Variants in LSAMP observed in about 807,000 individuals in gnomAD.
LSAMP encodes limbic system associated membrane protein.
A neutral mutation model predicts 38.6 loss-of-function variants in LSAMP; 7 were observed. The observed-to-expected ratio is 0.18, with a 90% CI of 0.10 to 0.34. LSAMP has a LOEUF of 0.34. LSAMP is among the 10% of genes least tolerant of loss of function. LSAMP has a pLI of 1.00. For missense variants in LSAMP, 313 were observed against 420.0 expected (o/e 0.75, Z 2.23); for synonymous variants, 154 against 166.8 (o/e 0.92, Z 0.59).
intron 1 of LSAMP, among the ~76,000 whole-genome samples, chr3:116,230,488 T>C (rs2046391243): frequency 1.3e-5 from 2 of 152,190 alleles, no homozygotes; most frequent in Non-Finnish European, 2.9e-5. Flanking sequence ...GGTTCCCATA[T>C]GACAGTAGAC....
chr3:115,887,283 A>G (rs1271853670), intron 3 of LSAMP, among the ~76,000 whole-genome samples: 1 of 151,934 alleles, frequency 6.6e-6, no homozygotes, highest in African/African-American at 2.4e-5. Context: ...CTTTCCCATT[A>G]TATATATCAT....
intron 1 of LSAMP, among the ~76,000 whole-genome samples, chr3:116,131,968 T>G (rs879853438): frequency 6.6e-6 from 1 of 151,810 alleles, no homozygotes; most frequent in African/African-American, 2.4e-5. Context: ...GCTGGAATTA[T>G]AGGTGCACAC....
At chr3:115,914,916 A>T (rs1937214815) in intron 3 of LSAMP, among the ~76,000 whole-genome samples, 1 of 152,200 alleles carries the variant, frequency 6.6e-6, no homozygotes, top group Admixed American at 6.5e-5. Context: ...TTTTATACTT[A>T]AAAGGTCTGT....
intron 3 of LSAMP, among the ~76,000 whole-genome samples, chr3:115,870,761 A>C (rs771371231): frequency 6.6e-6 from 1 of 152,182 alleles, no homozygotes; most frequent in African/African-American, 2.4e-5. Flanking sequence ...CTATTTCAGC[A>C]TGTATCCTGA....
At chr3:116,284,694 A>G (rs370476955) in intron 1 of LSAMP, among the ~76,000 whole-genome samples, 5 of 152,198 alleles carry the variant, frequency 3.3e-5, no homozygotes, top group Admixed American at 3.3e-4. Context: ...ATCCTGCTGT[A>G]TATAAGACAG....
chr3:116,247,939 C>T (rs1236245440), intron 1 of LSAMP, among the ~76,000 whole-genome samples: 2 of 152,156 alleles, frequency 1.3e-5, no homozygotes, highest in Admixed American at 6.5e-5. Context: ...CAGATCATGT[C>T]AGGTTTAAGT....
chr3:116,401,265 T>C (rs2048838066), intron 1 of LSAMP, among the ~76,000 whole-genome samples: 1 of 152,136 alleles, frequency 6.6e-6, no homozygotes, highest in African/African-American at 2.4e-5. Flanking sequence ...CTTTACATCA[T>C]ACTACAATCT....
At chr3:116,099,738 CT>C (rs1166095808) in intron 1 of LSAMP, among the ~76,000 whole-genome samples, 1 of 152,122 alleles carries the variant, frequency 6.6e-6, no homozygotes, top group Admixed American at 6.5e-5. Flanking sequence ...TCTTGTTTCT[CT>C]TCCTAACTCT....
At chr3:116,405,113 T>A (rs994809006) in intron 1 of LSAMP, among the ~76,000 whole-genome samples, 1 of 152,138 alleles carries the variant, frequency 6.6e-6, no homozygotes, top group South Asian at 2.1e-4. Flanking sequence ...GCTTCCTAGA[T>A]ATAGGCAGCT....
At chr3:116,248,533 G>GTGTGTGTGTA (rs1559798690) in intron 1 of LSAMP, among the ~76,000 whole-genome samples, 1 of 137,614 alleles carries the variant, frequency 7.3e-6, no homozygotes, top group African/African-American at 2.6e-5. Flanking sequence ...GTGTGTGTGT[G>GTGTGTGTGTA]TATCAGACTA....
chr3:115,834,918 G>T lies in LSAMP; in HGVS notation c.919+6927C>A, dbSNP rs370592453. Among the ~76,000 whole-genome samples the T allele has an allele frequency of 6.6e-5, 10 of 152,208 alleles. No individual in the cohort carries two copies. The East Asian group carries it at 1.5e-3, about 24-fold the overall frequency. On this transcript the variant is annotated intron_variant, in intron 6 of 6. Coordinates refer to ENST00000490035, the MANE Select transcript of LSAMP (RefSeq NM_002338.5). ...TTAGATCTTTTAGAGAGTTGAAGTT[G>T]AGGGTATTTATAATCGTGATCAAAT...
In LSAMP at chr3:115,861,164, TC is replaced by T. The variant is rs1335387974; in HGVS notation, c.515-8548del. 2.6e-4 allele frequency among the ~76,000 whole-genome samples: 31 copies of T among 121,132 alleles called. 1 individual carries two copies. Among genetic ancestry groups the T allele is most frequent in the Middle Eastern group, 4.3e-3 (1 of 234 alleles). 79.5% of individuals were successfully genotyped at this position (121,132 alleles called of 152,430 possible). ...TTCCTTCCTTCCTTCCTTCCTTCCT[TC>T]CTTCCTTCCTTCCTTCCTTCCTTCC... On this transcript the variant is annotated intron_variant, in intron 3 of 6. Coordinates refer to ENST00000490035, the MANE Select transcript of LSAMP (RefSeq NM_002338.5).
rs530210699 is a variant in LSAMP at position 115,927,766 on chromosome 3, G to A, written c.515-75149C>T. 5.7e-4 allele frequency among the ~76,000 whole-genome samples: 86 copies of A among 152,142 alleles called. 1 individual carries two copies. The highest frequency in any genetic ancestry group is 6.8e-3 in the Middle Eastern group (2 of 292). ...AGGCCTTTCTCCAGAAGGCCGCCTG[G>A]CCCCTTCGTCCCCTCCATACACTCC... On this transcript the variant is annotated intron_variant, in intron 3 of 6. Transcript: ENST00000490035.
intron 1 of LSAMP, among the ~76,000 whole-genome samples, chr3:116,092,694 C>A (rs1708150448): frequency 6.6e-6 from 1 of 152,160 alleles, no homozygotes; most frequent in African/African-American, 2.4e-5. Flanking sequence ...CAAACAGGTA[C>A]ATTGACAATT....
At chr3:116,157,329 T>C (rs1269725724) in intron 1 of LSAMP, among the ~76,000 whole-genome samples, 1 of 152,116 alleles carries the variant, frequency 6.6e-6, no homozygotes, top group African/African-American at 2.4e-5. Context: ...AAAGGGGCAT[T>C]TCTGAAGTTG....
At chr3:116,247,668 AC>A (rs1233813031) in intron 1 of LSAMP, among the ~76,000 whole-genome samples, 6 of 152,168 alleles carry the variant, frequency 3.9e-5, no homozygotes, top group Non-Finnish European at 5.9e-5. Flanking sequence ...GTGGATGAAA[AC>A]CAGGGAGAAA....
At chr3:116,286,361 G>T (rs1195769111) in intron 1 of LSAMP, among the ~76,000 whole-genome samples, 1 of 152,136 alleles carries the variant, frequency 6.6e-6, no homozygotes, top group Non-Finnish European at 1.5e-5. Context: ...ATTATCTGCT[G>T]GGGTTAACAG....
At chr3:115,902,732 T>C (rs775860503) in intron 3 of LSAMP, among the ~76,000 whole-genome samples, 11 of 152,100 alleles carry the variant, frequency 7.2e-5, no homozygotes, top group Non-Finnish European at 1.3e-4. Flanking sequence ...CCAACAAGCA[T>C]ATGAAAAGGA....
rs1279293782 is a variant in LSAMP, at chr3:116,267,621, A to AC, written c.155+177255_155+177256insG. Among the ~76,000 whole-genome samples the AC allele has an allele frequency of 7.9e-5, 12 of 151,526 alleles. No homozygotes were observed. The East Asian group carries it at 2.1e-3, about 27-fold the overall frequency. On this transcript the variant is annotated intron_variant, in intron 1 of 6. Transcript: ENST00000490035. The stretch of plus-strand genomic sequence containing the variant: ...CTAGATTTAAGCTGGCAAAAAAAAA[A>AC]AAAAAACTGTCACTGGAGCAGCCAC...
Sources: allele counts gnomAD v4.1 joint callset (sites outside exome capture counted in the v4.1 genomes callset), GRCh38; gene constraint gnomAD v4.1.1; transcripts MANE v1.5; gene names NCBI Gene and HGNC (gene_info 2026-07-23, HGNC 2026-07-21).